Variants in CDH12 observed in about 807,000 individuals in gnomAD.
CDH12 encodes the protein cadherin 12, also known as cadherin-12.
In CDH12, 41 loss-of-function variants were observed where a neutral mutation model predicts 74.1. The observed-to-expected ratio is 0.55, with a 90% CI of 0.43 to 0.72. CDH12 has a LOEUF of 0.72. Ranked by LOEUF, CDH12 falls within the 30% of genes least tolerant of loss-of-function variation. The pLI is 0.00. For synonymous variants in CDH12, 399 were observed against 355.0 expected (o/e 1.12, Z -1.39); for missense variants, 945 against 977.2 (o/e 0.97, Z 0.44).
chr5:22,588,457 G>A (rs1461612622), intron 1 of CDH12, among the ~76,000 whole-genome samples: 3 of 152,100 alleles, frequency 2.0e-5, no homozygotes, highest in South Asian at 2.1e-4. Flanking sequence ...CGAGCAATAC[G>A]ACCTGCAAGG....
rs536353011 is a variant in CDH12 at position 22,501,399 on chromosome 5, T to C, written c.-428+3871A>G. 1.2e-4 allele frequency among the ~76,000 whole-genome samples: 18 copies of C among 152,326 alleles called. 1 individual carries two copies. The South Asian group carries it at 3.5e-3, about 30-fold the overall frequency. ...ACTTGTAGTAAACCTGTTTTAATAA[T>C]CTGAAGGCTTGAAGCAATCATGAGT... On this transcript the variant is annotated intron_variant, in intron 2 of 14. Transcript: ENST00000382254.
chr5:22,213,117 T>A (rs532668314), intron 3 of CDH12, among the ~76,000 whole-genome samples: 17 of 152,184 alleles, frequency 1.1e-4, no homozygotes, highest in Admixed American at 7.2e-4. Context: ...TTTAAAGCGA[T>A]GTGATCAAAG....
At chr5:22,036,103 T>C (rs1441231435) in intron 5 of CDH12, among the ~76,000 whole-genome samples, 2 of 152,206 alleles carry the variant, frequency 1.3e-5, no homozygotes, top group East Asian at 3.9e-4. Context: ...GATGGTATGA[T>C]TGCTGCACTG....
intron 1 of CDH12, among the ~76,000 whole-genome samples, chr5:22,551,724 T>A (rs1231392871): frequency 6.9e-6 from 1 of 144,924 alleles, no homozygotes; most frequent in African/African-American, 2.6e-5. Flanking sequence ...CAACCCATTA[T>A]AAAAAAAATA....
intron 8 of CDH12, among the ~76,000 whole-genome samples, chr5:21,831,743 A>T (rs1404680856): frequency 3.3e-5 from 5 of 152,000 alleles, no homozygotes; most frequent in African/African-American, 1.2e-4. Flanking sequence ...ATTTTCTCGT[A>T]TTTTTGCAGG....
At chr5:22,117,757 T>C (rs1389498394) in intron 4 of CDH12, among the ~76,000 whole-genome samples, 2 of 151,092 alleles carry the variant, frequency 1.3e-5, no homozygotes, top group African/African-American at 4.9e-5. Context: ...TCATTGCATG[T>C]ATACACTTAT....
chr5:22,527,518 T>G (rs112621727), intron 1 of CDH12, among the ~76,000 whole-genome samples: 1 of 152,184 alleles, frequency 6.6e-6, no homozygotes. Flanking sequence ...ATTACTGCTT[T>G]GAGTGTGCTG....
intron 1 of CDH12, among the ~76,000 whole-genome samples, chr5:22,836,460 A>C (rs905354405): frequency 2.0e-5 from 3 of 150,616 alleles, no homozygotes; most frequent in Admixed American, 2.0e-4. Flanking sequence ...CAAACTCCTG[A>C]CCTCCTGATC....
intron 1 of CDH12, among the ~76,000 whole-genome samples, chr5:22,611,447 G>A (rs1021859555): frequency 6.6e-6 from 1 of 152,086 alleles, no homozygotes; most frequent in African/African-American, 2.4e-5. Context: ...ATGGATCAGG[G>A]TGACAGTGAA....
At chr5:22,052,700 C>A (rs972432765) in intron 5 of CDH12, among the ~76,000 whole-genome samples, 2 of 152,082 alleles carry the variant, frequency 1.3e-5, no homozygotes, top group Non-Finnish European at 2.9e-5. Context: ...TTCTGCATAA[C>A]TTTTCCTGTA....
chr5:22,740,737 T>A (rs1393309790), intron 1 of CDH12, among the ~76,000 whole-genome samples: 1 of 152,030 alleles, frequency 6.6e-6, no homozygotes, highest in African/African-American at 2.4e-5. Flanking sequence ...TCCCTGAACT[T>A]GTGTTGGGGA....
At chr5:21,988,029 A>G (rs1757587408) in intron 5 of CDH12, among the ~76,000 whole-genome samples, 2 of 152,122 alleles carry the variant, frequency 1.3e-5, no homozygotes, top group Admixed American at 1.3e-4. Context: ...TCCAAAATTG[A>G]TATCTGCCTC....
chr5:21,977,764 CAG>C (rs1198439249), intron 5 of CDH12, among the ~76,000 whole-genome samples: 10 of 151,992 alleles, frequency 6.6e-5, no homozygotes, highest in African/African-American at 2.4e-4. Flanking sequence ...ATGGGCTTTG[CAG>C]AGATTAAAGC....
intron 4 of CDH12, among the ~76,000 whole-genome samples, chr5:22,160,697 T>C (rs1299582912): frequency 2.6e-5 from 4 of 152,140 alleles, no homozygotes; most frequent in African/African-American, 9.7e-5. Flanking sequence ...AGGTCACACC[T>C]TTTGGCTGTG....
intron 1 of CDH12, among the ~76,000 whole-genome samples, chr5:22,666,293 TTTTTTTTTG>T (rs1322466651): frequency 3.5e-5 from 3 of 85,268 alleles, no homozygotes; most frequent in East Asian, 3.0e-4. Context: ...TTTTTTTTTT[TTTTTTTTTG>T]TTTTTGAGAC....
At chr5:22,384,563 T>C (rs1246153307) in intron 3 of CDH12, among the ~76,000 whole-genome samples, 1 of 138,846 alleles carries the variant, frequency 7.2e-6, no homozygotes, top group East Asian at 2.1e-4. Flanking sequence ...GAAAAGAAAA[T>C]GTCTTTTTTA....
chr5:22,750,849 T>A (rs1745531735), intron 1 of CDH12, among the ~76,000 whole-genome samples: 1 of 150,588 alleles, frequency 6.6e-6, no homozygotes, highest in Admixed American at 6.7e-5. Context: ...AGAAGTCAGG[T>A]CCCAACTCAA....
At chr5:22,576,164 T>G (rs1739778575) in intron 1 of CDH12, among the ~76,000 whole-genome samples, 1 of 152,090 alleles carries the variant, frequency 6.6e-6, no homozygotes, top group African/African-American at 2.4e-5. Context: ...ATAACAGGGG[T>G]TCTTGAACCC....
At chr5:22,596,269 C>G (rs183281061) in intron 1 of CDH12, among the ~76,000 whole-genome samples, 1 of 151,290 alleles carries the variant, frequency 6.6e-6, no homozygotes, top group African/African-American at 2.4e-5. Context: ...GAAACCCCAT[C>G]TCTACGAAAA....
Sources: allele counts gnomAD v4.1 joint callset (sites outside exome capture counted in the v4.1 genomes callset), GRCh38; gene constraint gnomAD v4.1.1; transcripts MANE v1.5; gene names NCBI Gene and HGNC (gene_info 2026-07-23, HGNC 2026-07-21).